Variants in COL11A1 observed in about 807,000 individuals in gnomAD.
COL11A1 encodes collagen type XI alpha 1 chain.
Under a neutral mutation model 265.2 loss-of-function variants are expected in COL11A1, and 74 were observed. The observed-to-expected ratio is 0.28, with a 90% CI of 0.23 to 0.34. COL11A1 has a LOEUF of 0.34. Ranked by LOEUF, COL11A1 falls within the 10% of genes least tolerant of loss-of-function variation. The probability of loss-of-function intolerance (pLI) is 1.00; values close to 1 mark genes in which losing one functional copy is unlikely to be tolerated. For missense variants in COL11A1, 2,165 were observed against 2,263.6 expected (o/e 0.96, Z 0.88); for synonymous variants, 816 against 727.6 (o/e 1.12, Z -1.96).
intron 4 of COL11A1, among the ~76,000 whole-genome samples, chr1:103,057,515 T>C (rs1670337526): frequency 6.6e-6 from 1 of 152,198 alleles, no homozygotes; most frequent in African/African-American, 2.4e-5. Context: ...GTTTCTAATT[T>C]ACTGTGTCCA....
rs765110562 is a variant in COL11A1, at chr1:103,006,141, G to GA, written c.1738-21dup. The GA allele has an allele frequency of 1.2e-6, 2 of 1,602,036 alleles. No homozygotes were observed. Among genetic ancestry groups the GA allele is most frequent in the South Asian group, 2.2e-5 (2 of 89,124 alleles). On this transcript the variant is annotated intron_variant, in intron 16 of 66. Coordinates refer to ENST00000370096, the MANE Select transcript of COL11A1 (RefSeq NM_001854.4). ...ACGACCCTAATAATGCCAACAGCAT[G>GA]ATTAAGCGAAGTGACTTTTATTACT...
chr1:102,917,059 C>A (rs116706683), intron 49 of COL11A1, among the ~76,000 whole-genome samples: 6,030 of 151,332 alleles, frequency 0.04, 150 homozygotes, highest in Middle Eastern at 0.085. Context: ...AGAAAAAAAA[C>A]CTAAAATTCA....
chr1:102,989,159 G>C (rs1663870015), intron 29 of COL11A1, among the ~76,000 whole-genome samples: 1 of 151,898 alleles, frequency 6.6e-6, no homozygotes. Flanking sequence ...CATTATATAT[G>C]AACAAAATTT....
chr1:103,029,270 G>A (rs556271644), intron 5 of COL11A1, among the ~76,000 whole-genome samples: 1 of 152,060 alleles, frequency 6.6e-6, no homozygotes, highest in Admixed American at 6.5e-5. Context: ...GAACAAGTAA[G>A]TAATATAAAG....
At position 102,889,475 on chromosome 1, in the gene COL11A1, G is replaced by T; in HGVS notation, c.4444C>A (p.Pro1482Thr). Residue 1482 changes from proline (P) to threonine (T), a missense_variant, in exon 59 of 67, where the codon CCA becomes ACA. By Grantham distance (38) the Pro-to-Thr change is conservative (BLOSUM62 -1). Transcript: ENST00000370096. ...CTCACCCCATCCCCTTTTGCTCCTGGAGATCCTTGAGTTCCAGGGAGCCCT... is the reference window on the plus strand; with the variant it reads ...CTCACCCCATCCCCTTTTGCTCCTGTAGATCCTTGAGTTCCAGGGAGCCCT... ...DRGLPGTQGSPGAKGDGGIPG... is the reference protein window; with the variant it reads ...DRGLPGTQGSTGAKGDGGIPG... The T allele has an allele frequency of 6.2e-7, 1 of 1,612,650 alleles. No individual in the cohort carries two copies. The highest frequency in any genetic ancestry group is 8.5e-7 in the Non-Finnish European group (1 of 1,179,570).
rs1293073813 is a variant in COL11A1, at chr1:103,022,831, A to G, written c.1156T>C (p.Tyr386His). 2 of 1,613,678 alleles carry G rather than the reference A, an allele frequency of 1.2e-6. No homozygotes were observed. Among genetic ancestry groups the G allele is most frequent in the Non-Finnish European group, 1.7e-6 (2 of 1,179,866 alleles). The part of the protein sequence containing the change: ...GDLGEYDFYE[Y>H]KEYEDKPTSP... ...GTTGGTTTATCTTCATATTCTTTAT[A>G]TTCATAAAAATCATATTCGCCTAAA... Residue 386 changes from tyrosine to histidine, a missense_variant, in exon 8 of 67, where the codon TAT (tyrosine) becomes CAT (histidine). Physicochemically the swap from Tyr to His is moderately conservative, Grantham distance 83. Transcript: ENST00000370096.
At chr1:102,996,970 AC>A in intron 26 of COL11A1, 109 bp downstream of exon 26, 1 of 882,904 alleles carries the variant, frequency 1.1e-6, no homozygotes, top group Non-Finnish European at 1.9e-6. Context: ...TCTTTTTTAT[AC>A]CCAAAATAAC....
intron 54 of COL11A1, among the ~76,000 whole-genome samples, chr1:102,902,223 A>C (rs1182039450): frequency 2.6e-5 from 4 of 152,172 alleles, no homozygotes; most frequent in African/African-American, 9.6e-5. Context: ...CTAAGCATCT[A>C]TGCATTTGTC....
chr1:102,953,566 A>G (rs1324176519), intron 41 of COL11A1, among the ~76,000 whole-genome samples: 1 of 152,230 alleles, frequency 6.6e-6, no homozygotes, highest in Non-Finnish European at 1.5e-5. Flanking sequence ...AGTTCTTTGA[A>G]CAATGCCTGT....
chr1:103,026,286 G>T lies in COL11A1; in HGVS notation c.827C>A (p.Ala276Glu). ...IIEYDYEYGE[A>E]EYKEAESVTE... Reference sequence around the variant, plus strand: ...TACACTTTCAGCCTCTTTATACTCTGCTTCCCCATACTCATAGTCATATTC... The same window carrying T: ...TACACTTTCAGCCTCTTTATACTCTTCTTCCCCATACTCATAGTCATATTC... Residue 276 changes from alanine to glutamate, a missense_variant, in exon 6 of 67, where the codon GCA (alanine) becomes GAA (glutamate). Coordinates refer to ENST00000370096, the MANE Select transcript of COL11A1 (RefSeq NM_001854.4). The T allele has an allele frequency of 1.9e-6, 3 of 1,613,562 alleles. No individual in the cohort carries two copies. Among genetic ancestry groups the T allele is most frequent in the Non-Finnish European group, 2.5e-6 (3 of 1,179,584 alleles).
At chr1:103,101,751 AAAG>A (rs559271399) in intron 1 of COL11A1, among the ~76,000 whole-genome samples, 84 of 152,080 alleles carry the variant, frequency 5.5e-4, no homozygotes, top group Non-Finnish European at 1.1e-3. Context: ...GAAAAAAAAA[AAAG>A]AAGATTTGAG....
intron 63 of COL11A1, among the ~76,000 whole-genome samples, chr1:102,885,501 T>C (rs766238516): frequency 2.0e-5 from 3 of 152,166 alleles, no homozygotes; most frequent in South Asian, 4.1e-4. Flanking sequence ...CTACTACTTG[T>C]ATATAAACAG....
In COL11A1 at chr1:102,877,647, T is replaced by G. The variant is rs1353814459; in HGVS notation, c.*372A>C. On this transcript the variant is annotated 3_prime_UTR_variant, in exon 67 of 67. Coordinates refer to ENST00000370096, the MANE Select transcript of COL11A1 (RefSeq NM_001854.4). The stretch of plus-strand genomic sequence containing the variant: ...GAACTGTACACAAAATAATTACAAT[T>G]TATTAAACACACTGTTTTAGTACAT... 1 of 201,334 alleles carries G rather than the reference T, an allele frequency of 5.0e-6. No homozygotes were observed. Among genetic ancestry groups the G allele is most frequent in the Non-Finnish European group, 1.0e-5 (1 of 97,248 alleles). The allele number at this position is 201,334 out of a possible 1,614,324, so 12.5% of individuals were successfully genotyped here. A position where few individuals can be genotyped will look rare whatever the true frequency, so the allele number is the denominator to read the frequency against.
intron 46 of COL11A1, among the ~76,000 whole-genome samples, chr1:102,932,990 C>G (rs1030071796): frequency 7.8e-6 from 1 of 128,264 alleles, no homozygotes; most frequent in African/African-American, 2.8e-5. Flanking sequence ...GTTATACCTT[C>G]TTCTAAATTT....
rs112484990 is a variant in COL11A1, at chr1:103,025,608, G to T, written c.903C>A (p.Asn301Lys). The T allele has an allele frequency of 1.7e-5, 28 of 1,613,000 alleles. No homozygotes were observed. The South Asian group carries it at 3.0e-4, about 17-fold the overall frequency. ...TGTATTCTTGAAAATCATCAACGAT[G>T]TTTGCCTAATGGTAAATTCAGAAGA... ...TEETIAQTEA[N>K]IVDDFQEYNY... The change falls in exon 7 of 67, where the codon AAC (asparagine) becomes AAA (lysine). Residue 301 changes from asparagine (N) to lysine (K), a missense_variant. Coordinates refer to ENST00000370096, the MANE Select transcript of COL11A1 (RefSeq NM_001854.4).
intron 42 of COL11A1, among the ~76,000 whole-genome samples, chr1:102,943,422 C>A (rs1404082233): frequency 1.3e-5 from 2 of 150,042 alleles, no homozygotes; most frequent in Admixed American, 1.3e-4. Context: ...TGTTTGATGG[C>A]ATGCCTCTGG....
intron 46 of COL11A1, among the ~76,000 whole-genome samples, chr1:102,924,057 A>C (rs1339042634): frequency 6.6e-6 from 1 of 150,618 alleles, no homozygotes; most frequent in Non-Finnish European, 1.5e-5. Context: ...AAAATACAAA[A>C]AAAAAAAAAA....
intron 11 of COL11A1, among the ~76,000 whole-genome samples, chr1:103,016,764 A>T (rs1666601257): frequency 6.6e-6 from 1 of 152,012 alleles, no homozygotes; most frequent in Non-Finnish European, 1.5e-5. Flanking sequence ...GATTCTGTAC[A>T]AGTTTCAAGG....
intron 57 of COL11A1, 88 bp from the exon 58 acceptor site, chr1:102,890,592 G>T: frequency 8.9e-7 from 1 of 1,118,978 alleles, no homozygotes; most frequent in Non-Finnish European, 1.3e-6. Flanking sequence ...ACCTAGTTTA[G>T]TTTTGAAAAT....
Sources: gnomAD v4.1 joint callset for allele counts (sites outside exome capture counted in the v4.1 genomes callset) on GRCh38, gnomAD v4.1.1 for gene constraint, MANE v1.5 for transcripts, NCBI Gene and HGNC (gene_info 2026-07-23, HGNC 2026-07-21) for gene names.